The following HECTD2 variants were observed in gnomAD, a reference collection of about 807,000 sequenced individuals.
HECTD2 encodes probable E3 ubiquitin-protein ligase HECTD2.
Under a neutral mutation model 103.2 loss-of-function variants are expected in HECTD2, and 35 were observed. That is an observed-to-expected ratio of 0.34 (90% CI 0.26 to 0.45). HECTD2 has a LOEUF of 0.45. Among genes scored for constraint, HECTD2 ranks in the 20% least tolerant of loss-of-function variants. HECTD2 has a pLI of 1.00. For synonymous variants in HECTD2, 281 were observed against 329.9 expected (o/e 0.85, Z 1.61); for missense variants, 596 against 937.4 (o/e 0.64, Z 4.76).
intron 1 of HECTD2, among the ~76,000 whole-genome samples, chr10:91,424,087 T>A (rs1447835600): frequency 6.6e-6 from 1 of 152,124 alleles, no homozygotes; most frequent in African/African-American, 2.4e-5. Context: ...TTTCACATAG[T>A]CACTCAAGAA....
intron 2 of HECTD2, among the ~76,000 whole-genome samples, chr10:91,427,148 A>C (rs945986807): frequency 2.7e-5 from 4 of 150,458 alleles, no homozygotes; most frequent in African/African-American, 9.8e-5. Flanking sequence ...ATGATTTCCA[A>C]TTTCATCCAT....
intron 20 of HECTD2, among the ~76,000 whole-genome samples, chr10:91,509,460 G>GT (rs1329828004): frequency 1.3e-5 from 2 of 152,000 alleles, no homozygotes; most frequent in African/African-American, 4.8e-5. Flanking sequence ...TATTGGGTAT[G>GT]TACCCAAAGG....
At position 91,492,367 on chromosome 10, in the gene HECTD2, G is replaced by C. The variant is rs1206922427; in HGVS notation, c.1315G>C (p.Ala439Pro). 1 of 1,612,806 alleles carries C rather than the reference G, an allele frequency of 6.2e-7. No homozygotes were observed. The highest frequency in any genetic ancestry group is 8.5e-7 in the Non-Finnish European group (1 of 1,179,050). ...DSLDELTRKRADLKKKLKVTF... is the reference protein window; with the variant it reads ...DSLDELTRKRPDLKKKLKVTF... ...CTTCAAATAGCTAACCCGGAAAAGA[G>C]CCGATTTGAAAAAGAAGTTAAAAGT... Residue 439 changes from alanine (A) to proline (P), a missense_variant, in exon 13 of 21, where the codon GCC becomes CCC. By Grantham distance (27) the Ala-to-Pro change is conservative. Coordinates refer to ENST00000298068, the MANE Select transcript of HECTD2 (RefSeq NM_182765.6).
At chr10:91,454,586 A>T (rs141407993) in intron 2 of HECTD2, among the ~76,000 whole-genome samples, 147 of 151,834 alleles carry the variant, frequency 9.7e-4, no homozygotes, top group African/African-American at 3.4e-3. Flanking sequence ...TTTTTTTTTA[A>T]TACTTTAAGT....
chr10:91,483,153 T>A, intron 8 of HECTD2, 77 bp downstream of exon 8: 1 of 550,136 alleles, frequency 1.8e-6, no homozygotes, highest in Admixed American at 3.5e-5. Flanking sequence ...TACAATAAAA[T>A]ATATTTAAAT....
At position 91,482,978 on chromosome 10, in the gene HECTD2, T is replaced by C; in HGVS notation, c.723T>C (p.Phe241=). The C allele has an allele frequency of 6.7e-7, 1 of 1,496,850 alleles. No homozygotes were observed. The highest frequency in any genetic ancestry group is 9.2e-7 in the Non-Finnish European group (1 of 1,085,866). The allele number at this position is 1,496,850 out of a possible 1,614,324, so 92.7% of individuals were successfully genotyped here. The change falls in exon 8 of 21, where the codon TTT becomes TTC. Residue 241 remains phenylalanine, a synonymous_variant. Coordinates refer to ENST00000298068, the MANE Select transcript of HECTD2 (RefSeq NM_182765.6). The stretch of plus-strand genomic sequence containing the variant: ...AATATCTTTTTCAGAATCCTCAGTT[T>C]AATAACACATCTACGTATGTCATCT... ...AYFILLQNPQ[F]NNTSTYVIYA...
chr10:91,463,256 A>T (rs1309600164), intron 5 of HECTD2: 1 of 152,136 alleles, frequency 6.6e-6, no homozygotes, highest in Non-Finnish European at 1.5e-5. Context: ...AAAGTAAGCT[A>T]AGGAAAAGGC....
At chr10:91,501,099 G>GGAAAGTCCT in intron 19 of HECTD2, 92 bp from the exon 20 acceptor site, 1 of 1,089,642 alleles carries the variant, frequency 9.2e-7, no homozygotes, top group Non-Finnish European at 1.4e-6. Flanking sequence ...GTATGCTTAA[G>GGAAAGTCCT]GAAAGTCCTT....
chr10:91,426,582 A>G (rs924154763), intron 2 of HECTD2, among the ~76,000 whole-genome samples: 10 of 151,592 alleles, frequency 6.6e-5, no homozygotes, highest in Non-Finnish European at 1.2e-4. Context: ...ACACACACAC[A>G]CAAGCACACA....
chr10:91,478,851 G>C (rs1176817398), intron 6 of HECTD2, among the ~76,000 whole-genome samples: 1 of 151,600 alleles, frequency 6.6e-6, no homozygotes, highest in African/African-American at 2.4e-5. Context: ...AAAGCCAAAG[G>C]AATGCCAAGT....
intron 20 of HECTD2, among the ~76,000 whole-genome samples, chr10:91,504,500 T>C (rs1847059947): frequency 6.6e-6 from 1 of 152,080 alleles, no homozygotes; most frequent in South Asian, 2.1e-4. Flanking sequence ...CAGGAGCCAA[T>C]GCGATAAACT....
chr10:91,504,932 G>A (rs1470196497), intron 20 of HECTD2, among the ~76,000 whole-genome samples: 1 of 152,194 alleles, frequency 6.6e-6, no homozygotes, highest in Non-Finnish European at 1.5e-5. Flanking sequence ...GGATCTCTTG[G>A]CAGAAACCCT....
At chr10:91,460,883 G>A (rs1210850312) in intron 3 of HECTD2, among the ~76,000 whole-genome samples, 3 of 152,046 alleles carry the variant, frequency 2.0e-5, no homozygotes, top group African/African-American at 7.2e-5. Context: ...TTTATGATGT[G>A]ACACATACTG....
chr10:91,425,780 A>G (rs1843534960), intron 2 of HECTD2, among the ~76,000 whole-genome samples: 1 of 151,746 alleles, frequency 6.6e-6, no homozygotes, highest in African/African-American at 2.4e-5. Context: ...ATACATAAAA[A>G]TAAACCTAAA....
chr10:91,449,566 A>G (rs996050615), intron 2 of HECTD2, among the ~76,000 whole-genome samples: 2 of 152,180 alleles, frequency 1.3e-5, no homozygotes, highest in Non-Finnish European at 2.9e-5. Context: ...AGTGAGAGAA[A>G]TAAAGGACAT....
chr10:91,499,932 A>G (rs1266878060), intron 18 of HECTD2, among the ~76,000 whole-genome samples: 2 of 152,244 alleles, frequency 1.3e-5, no homozygotes, highest in African/African-American at 4.8e-5. Context: ...TTGAAAGAGA[A>G]ACACTTTATT....
intron 5 of HECTD2, among the ~76,000 whole-genome samples, chr10:91,465,685 A>G (rs1397377913): frequency 2.6e-5 from 4 of 151,964 alleles, no homozygotes; most frequent in African/African-American, 9.7e-5. Flanking sequence ...ATCTATTGCT[A>G]TGATCCCATG....
chr10:91,508,325 G>A (rs1209544161), intron 20 of HECTD2, among the ~76,000 whole-genome samples: 2 of 145,988 alleles, frequency 1.4e-5, no homozygotes, highest in African/African-American at 5.1e-5. Flanking sequence ...TACCATCAGA[G>A]TGAACAGGCA....
At chr10:91,449,883 C>T (rs993089192) in intron 2 of HECTD2, among the ~76,000 whole-genome samples, 1 of 152,098 alleles carries the variant, frequency 6.6e-6, no homozygotes, top group Non-Finnish European at 1.5e-5. Flanking sequence ...AGAGAGAACA[C>T]AAACAAATGG....
Sources: allele counts gnomAD v4.1 joint callset (sites outside exome capture counted in the v4.1 genomes callset), GRCh38; gene constraint gnomAD v4.1.1; transcripts MANE v1.5; gene names NCBI Gene and HGNC (gene_info 2026-07-23, HGNC 2026-07-21).